The following NBEA variants were observed in gnomAD, a reference collection of about 807,000 sequenced individuals.
NBEA encodes the protein lysosomal-trafficking regulator 2.
Under a neutral mutation model 343.4 loss-of-function variants are expected in NBEA, and 44 were observed. The observed-to-expected ratio is 0.13, with a 90% CI of 0.10 to 0.16. The LOEUF (loss-of-function observed/expected upper bound fraction) is 0.16, where lower values mean the gene tolerates loss of function less well. Ranked by LOEUF, NBEA falls within the 10% of genes least tolerant of loss-of-function variation. NBEA has a pLI of 1.00. For missense variants in NBEA, 2,555 were observed against 3,631.3 expected, an observed-to-expected ratio of 0.70 and a Z score of 7.62; for synonymous variants, 1,175 against 1,238.7, an observed-to-expected ratio of 0.95 and a Z score of 1.08.
chr13:34,948,748 CT>C, intron 1 of NBEA, among the ~76,000 whole-genome samples: 1 of 152,198 alleles, frequency 6.6e-6, no homozygotes, highest in African/African-American at 2.4e-5. Flanking sequence ...CCTGTGTTAT[CT>C]TTGTCAATGG....
intron 49 of NBEA, among the ~76,000 whole-genome samples, chr13:35,644,867 C>T (rs1174229989): frequency 6.6e-6 from 1 of 152,146 alleles, no homozygotes; most frequent in African/African-American, 2.4e-5. Flanking sequence ...TAAATAGTCA[C>T]ACTTGTGAGT....
chr13:35,298,187 A>ATGTGTG (rs1216541038), intron 35 of NBEA, among the ~76,000 whole-genome samples: 164 of 115,122 alleles, frequency 1.4e-3, no homozygotes, highest in African/African-American at 5.1e-3. Flanking sequence ...GTGTGTGTGT[A>ATGTGTG]TGTGTGTGTG....
Position 35,452,142 on chromosome 13 carries a change from A to G in NBEA, c.6355A>G (p.Ile2119Val), listed in dbSNP as rs116559457. 1.5e-4 allele frequency: 247 copies of G among 1,612,348 alleles called. No individual in the cohort carries two copies. In the African/African-American group the frequency reaches 2.7e-3, roughly 17 times the overall value. Residue 2119 changes from isoleucine to valine, a missense_variant, in exon 40 of 59, where the codon ATA becomes GTA. Physicochemically the swap from Ile to Val is conservative, Grantham distance 29 (BLOSUM62 3). This residue lies in a region of NBEA where 246 missense variants were observed against 313.7 expected (regional missense o/e 0.78). Transcript: ENST00000379939. ...AAAGAAAACATTCAGAAGTCAAGCA[A>G]TAGTGAACCAAAATGCAGAGACAGA... is the stretch of plus-strand genomic sequence containing the variant. ...KSKKTFRSQA[I>V]VNQNAETELM...
Position 35,327,801 on chromosome 13 carries a change from A to G in NBEA, c.5903+18209A>G, listed in dbSNP as rs1013313143. ...ATTGAAATTATTTGTTAAAAGGAATATATATCAATGAATATTCCACATCAA... is the reference window on the plus strand; with the variant it reads ...ATTGAAATTATTTGTTAAAAGGAATGTATATCAATGAATATTCCACATCAA... On this transcript the variant is annotated intron_variant, in intron 36 of 58. Coordinates refer to ENST00000379939, the MANE Select transcript of NBEA (RefSeq NM_001385012.1). Among the ~76,000 whole-genome samples the G allele has an allele frequency of 3.3e-5, 5 of 152,150 alleles. No homozygotes were observed. In the East Asian group the frequency reaches 9.6e-4, roughly 29 times the overall value.
intron 38 of NBEA, among the ~76,000 whole-genome samples, chr13:35,407,349 T>G (rs1250919931): frequency 6.6e-6 from 1 of 152,086 alleles, no homozygotes; most frequent in African/African-American, 2.4e-5. Flanking sequence ...ACCAGAAAAT[T>G]AGGCTTATAG....
chr13:35,285,401 A>T (rs1175487715), intron 34 of NBEA, among the ~76,000 whole-genome samples: 1 of 152,220 alleles, frequency 6.6e-6, no homozygotes, highest in Non-Finnish European at 1.5e-5. Flanking sequence ...TTTGATTTTT[A>T]AAATTCAGAT....
At chr13:35,579,079 C>T (rs770057971) in intron 45 of NBEA, among the ~76,000 whole-genome samples, 1 of 152,086 alleles carries the variant, frequency 6.6e-6, no homozygotes, top group African/African-American at 2.4e-5. Flanking sequence ...ATTAGGGATG[C>T]TCAACCTATG....
At chr13:35,203,275 G>T (rs894734866) in intron 31 of NBEA, among the ~76,000 whole-genome samples, 3 of 152,034 alleles carry the variant, frequency 2.0e-5, no homozygotes, top group African/African-American at 7.2e-5. Flanking sequence ...AGCTCTCCAT[G>T]TCACCCAGTA....
At chr13:34,978,504 A>G (rs2060253663) in intron 1 of NBEA, among the ~76,000 whole-genome samples, 1 of 152,216 alleles carries the variant, frequency 6.6e-6, no homozygotes. Context: ...AATTACATAC[A>G]GTGAAAACAT....
At chr13:35,354,196 A>G (rs773300376) in intron 38 of NBEA, among the ~76,000 whole-genome samples, 13 of 152,198 alleles carry the variant, frequency 8.5e-5, no homozygotes, top group Non-Finnish European at 1.3e-4. Context: ...CATAAAATTT[A>G]ACCATGAAAC....
intron 41 of NBEA, chr13:35,475,985 A>C: frequency 6.2e-7 from 1 of 1,614,096 alleles, no homozygotes; most frequent in Non-Finnish European, 8.5e-7. Context: ...GAGCTGATGA[A>C]CCGCGGCTCC....
chr13:35,161,853 C>T lies in NBEA; in HGVS notation c.3965C>T (p.Pro1322Leu), dbSNP rs1411395971. 1 of 1,609,662 alleles carries T rather than the reference C, an allele frequency of 6.2e-7. No individual in the cohort carries two copies. Among genetic ancestry groups the T allele is most frequent in the Non-Finnish European group, 8.5e-7 (1 of 1,178,032 alleles). The change falls in exon 23 of 59, where the codon CCA becomes CTA. Residue 1322 changes from proline (P) to leucine (L), a missense_variant. Pro to Leu is a moderately conservative substitution (Grantham distance 98). Transcript: ENST00000379939. ...GAGGAACAGCGACGCCAGTTTAGCC[C>T]AGGTCCACGGACTACAATGTTTCGT... ...MTEEQRRQFS[P>L]GPRTTMFRIP...
intron 27 of NBEA, among the ~76,000 whole-genome samples, chr13:35,173,831 A>G (rs1403307732): frequency 6.6e-6 from 1 of 152,170 alleles, no homozygotes; most frequent in Admixed American, 6.6e-5. Context: ...GTTCTTACAA[A>G]TATTATAATT....
At chr13:35,549,559 G>T (rs2153011979) in intron 41 of NBEA, among the ~76,000 whole-genome samples, 1 of 152,256 alleles carries the variant, frequency 6.6e-6, no homozygotes, top group South Asian at 2.1e-4. Flanking sequence ...GATGCTTGCT[G>T]TGATTGTTTC....
At position 35,070,093 on chromosome 13, in the gene NBEA, T is replaced by C. The variant is rs2063807027; in HGVS notation, c.1425T>C (p.Ala475=). The C allele has an allele frequency of 6.3e-7, 1 of 1,580,570 alleles. No homozygotes were observed. The highest frequency in any genetic ancestry group is 1.2e-5 in the South Asian group (1 of 86,000). ...CAATTTTTGTGCATTCCCCACATGC[T>C]CTAATGCTTCAGGTGGGTGAATCGT... The part of the protein sequence containing the change: ...NASIFVHSPH[A]LMLQDVKAIV... Residue 475 remains alanine (A), a synonymous_variant, in exon 9 of 59, where the codon GCT becomes GCC. Transcript: ENST00000379939.
intron 36 of NBEA, among the ~76,000 whole-genome samples, chr13:35,328,691 G>A (rs1248330525): frequency 6.6e-6 from 1 of 151,196 alleles, no homozygotes; most frequent in African/African-American, 2.4e-5. Context: ...GGTGTTCATG[G>A]ATCTGAAGAC....
chr13:35,547,329 C>T (rs2079109624), intron 41 of NBEA, among the ~76,000 whole-genome samples: 1 of 152,160 alleles, frequency 6.6e-6, no homozygotes. Context: ...ATTTTGTTAT[C>T]TCTCCTTGTC....
chr13:35,209,019 G>C (rs1341529497), intron 32 of NBEA, among the ~76,000 whole-genome samples, 165 bp downstream of exon 32: 1 of 152,116 alleles, frequency 6.6e-6, no homozygotes, highest in African/African-American at 2.4e-5. Flanking sequence ...GTCTGTAGTT[G>C]TAGAGTGCAT....
At chr13:35,161,361 C>A (rs1228362077) in intron 22 of NBEA, among the ~76,000 whole-genome samples, 10 of 152,098 alleles carry the variant, frequency 6.6e-5, no homozygotes, top group Admixed American at 3.9e-4. Flanking sequence ...TAATCTTGTG[C>A]TTTAGTTACA....
Sources: gnomAD v4.1 joint callset for allele counts (sites outside exome capture counted in the v4.1 genomes callset) on GRCh38, gnomAD v4.1.1 for gene constraint, gnomAD v4.1.1 regional missense constraint, MANE v1.5 for transcripts, NCBI Gene and HGNC (gene_info 2026-07-23, HGNC 2026-07-21) for gene names.